The following SPTB variants were observed in gnomAD, a reference collection of about 807,000 sequenced individuals.
The protein encoded by SPTB is spectrin beta chain, erythrocytic.
SPTB carries 45 observed loss-of-function variants against 256.2 expected under a neutral mutation model. That is an observed-to-expected ratio of 0.18 (90% CI 0.14 to 0.23). SPTB has a LOEUF of 0.23. SPTB is among the 10% of genes least tolerant of loss of function. The pLI is 1.00. For missense variants in SPTB, 2,715 were observed against 3,040.4 expected (o/e 0.89, Z 2.52); for synonymous variants, 1,231 against 1,243.1 (o/e 0.99, Z 0.21).
intron 15 of SPTB, among the ~76,000 whole-genome samples, chr14:64,788,238 C>T (rs372061670): frequency 6.6e-6 from 1 of 152,190 alleles, no homozygotes; most frequent in Non-Finnish European, 1.5e-5. Flanking sequence ...ACCCCCAGTG[C>T]CTCCACTGGA....
chr14:64,779,206 T>C lies in SPTB; in HGVS notation c.4514A>G (p.Asp1505Gly), dbSNP rs1421043694. 1.9e-6 allele frequency: 3 copies of C among 1,613,884 alleles called. No individual in the cohort carries two copies. Among genetic ancestry groups the C allele is most frequent in the Non-Finnish European group, 2.5e-6 (3 of 1,179,974 alleles). Reference protein sequence around the residue: ...EERLPLAQSADYGTNLQTVQL... With the variant: ...EERLPLAQSAGYGTNLQTVQL... ...CACAGTTTGCAGATTAGTGCCATAG[T>C]CGGCTGACTGGGCCAGAGGCAGCCT... is the stretch of plus-strand genomic sequence containing the variant. The change falls in exon 22 of 36, where the codon GAC becomes GGC. Residue 1505 changes from aspartate (D) to glycine (G), a missense_variant. Physicochemically the swap from Asp to Gly is moderately conservative, Grantham distance 94. Transcript: ENST00000644917. This position sits in a 1 kb window ranked among gnomAD's most constrained non-coding sequence, Gnocchi z 4.2.
At chr14:64,766,945 G>T in intron 31 of SPTB, 144 bp from the exon 32 acceptor site, 1 of 1,088,992 alleles carries the variant, frequency 9.2e-7, no homozygotes, top group Non-Finnish European at 1.4e-6. Flanking sequence ...GATGGTGCTT[G>T]GCAAGGAGCC....
intron 4 of SPTB, among the ~76,000 whole-genome samples, chr14:64,803,034 C>T (rs2139634807): frequency 6.6e-6 from 1 of 152,278 alleles, no homozygotes; most frequent in South Asian, 2.1e-4. Flanking sequence ...ACATGCGGGG[C>T]CACTTGGTTG....
At position 64,804,932 on chromosome 14, in the gene SPTB, A is replaced by T. The variant is rs229581; in HGVS notation, c.300+7T>A. On this transcript the variant is annotated splice_region_variant and intron_variant, in intron 3 of 35. Transcript: ENST00000644917. The stretch of plus-strand genomic sequence containing the variant: ...AGCAGCCCCGGGGCCCACAGAAGGG[A>T]CTTTACCAGCATCTCTCCAGAGAGC... 1 of 1,613,726 alleles carries T rather than the reference A, an allele frequency of 6.2e-7. No individual in the cohort carries two copies.
rs753833041 is a variant in SPTB at position 64,823,011 on chromosome 14, G to A, written c.84C>T (p.Asp28=). 16 of 1,614,146 alleles carry A rather than the reference G, an allele frequency of 9.9e-6. No individual in the cohort carries two copies. The highest frequency in any genetic ancestry group is 8.9e-5 in the East Asian group (4 of 44,882). The change falls in exon 2 of 36, where the codon GAC becomes GAT. Residue 28 remains aspartate, a synonymous_variant. Coordinates refer to ENST00000644917, the MANE Select transcript of SPTB (RefSeq NM_001355436.2). The surrounding 1 kb of genome is among the most constrained non-coding windows in gnomAD (Gnocchi z 6.5). Reference sequence around the variant, plus strand: ...CTGAGCTGTTGTCATTATCCAGCTCGTCGTCTGGGGCGTCCCAGCGGGCAT... The same window carrying A: ...CTGAGCTGTTGTCATTATCCAGCTCATCGTCTGGGGCGTCCCAGCGGGCAT... ...RINARWDAPD[D]ELDNDNSSAR... is the part of the protein sequence containing the mutation.
rs2083797679 is a variant in SPTB, at chr14:64,852,078, T to A, written c.-52+27714A>T. On this transcript the variant is annotated intron_variant, in intron 1 of 35. Coordinates refer to ENST00000644917, the MANE Select transcript of SPTB (RefSeq NM_001355436.2). This position sits in a 1 kb window ranked among gnomAD's most constrained non-coding sequence, Gnocchi z 4.2. Reference sequence around the variant, plus strand: ...GCTTGCAGTTGAGTATTTGAAAAGTTGTAAAAACAGGCTAGGTGACAACGA... The same window carrying A: ...GCTTGCAGTTGAGTATTTGAAAAGTAGTAAAAACAGGCTAGGTGACAACGA... 6.6e-6 allele frequency among the ~76,000 whole-genome samples: 1 copy of A among 152,124 alleles called. No individual in the cohort carries two copies. Among genetic ancestry groups the A allele is most frequent in the South Asian group, 2.1e-4 (1 of 4,830 alleles).
Position 64,784,367 on chromosome 14 carries a change from C to T in SPTB, c.3882G>A (p.Leu1294=). The T allele has an allele frequency of 1.2e-6, 2 of 1,614,238 alleles. No homozygotes were observed. Among genetic ancestry groups the T allele is most frequent in the Non-Finnish European group, 1.7e-6 (2 of 1,180,042 alleles). ...QELTLWINDK[L]LTSQDVSYDE... Reference sequence around the variant, plus strand: ...CATAGGAGACATCCTGAGATGTCAGCAGCTTGTCGTTGATCCAGAGAGTGA... The same window carrying T: ...CATAGGAGACATCCTGAGATGTCAGTAGCTTGTCGTTGATCCAGAGAGTGA... The change falls in exon 19 of 36, where the codon CTG becomes CTA. Residue 1294 remains leucine, a synonymous_variant. Transcript: ENST00000644917.
rs929122292 is a variant in SPTB at position 64,826,618 on chromosome 14, A to G, written c.-51-3473T>C. On this transcript the variant is annotated intron_variant, in intron 1 of 35. Coordinates refer to ENST00000644917, the MANE Select transcript of SPTB (RefSeq NM_001355436.2). This position sits in a 1 kb window ranked among gnomAD's most constrained non-coding sequence, Gnocchi z 4.4. Reference sequence around the variant, plus strand: ...CATCAGTAAACCCAGGAAAAAAGGCATAAGTACTTCCTTGTCCATTCATTC... The same window carrying G: ...CATCAGTAAACCCAGGAAAAAAGGCGTAAGTACTTCCTTGTCCATTCATTC... 6.6e-6 allele frequency among the ~76,000 whole-genome samples: 1 copy of G among 152,200 alleles called. No individual in the cohort carries two copies. Among genetic ancestry groups the G allele is most frequent in the African/African-American group, 2.4e-5 (1 of 41,432 alleles).
At chr14:64,803,468 G>T in intron 4 of SPTB, 139 bp downstream of exon 4, 2 of 1,063,704 alleles carry the variant, frequency 1.9e-6, no homozygotes, top group Non-Finnish European at 2.9e-6. Flanking sequence ...CTTCCTACAA[G>T]CACTGTCCCA....
intron 1 of SPTB, among the ~76,000 whole-genome samples, chr14:64,864,259 C>T (rs1882025019): frequency 6.6e-6 from 1 of 150,512 alleles, no homozygotes; most frequent in African/African-American, 2.4e-5. Context: ...GAGTTCAAGA[C>T]AAGCCTGGGC....
In SPTB at chr14:64,770,739, C is replaced by G; in HGVS notation, c.5798+146G>C. On this transcript the variant is annotated intron_variant, in intron 27 of 35. Coordinates refer to ENST00000644917, the MANE Select transcript of SPTB (RefSeq NM_001355436.2). The stretch of plus-strand genomic sequence containing the variant: ...GGCCATTTCTGCCTCGATCCAGCCT[C>G]AGGCCTCAAGTGTCCCCCAGGGATT... 2.3e-6 allele frequency: 3 copies of G among 1,286,398 alleles called. No homozygotes were observed. In the Admixed American group the frequency reaches 5.4e-5, roughly 23 times the overall value. 79.7% of individuals were successfully genotyped at this position (1,286,398 alleles called of 1,614,324 possible). A position where few individuals can be genotyped will look rare whatever the true frequency, so the allele number is the denominator to read the frequency against.
chr14:64,804,818 C>A lies in SPTB; in HGVS notation c.300+121G>T, dbSNP rs1423621260. 24 of 1,284,060 alleles carry A rather than the reference C, an allele frequency of 1.9e-5. 1 individual carries two copies. The highest frequency in any genetic ancestry group is 2.0e-5 in the Non-Finnish European group (18 of 898,114). The allele number at this position is 1,284,060 out of a possible 1,614,324, so 79.5% of individuals were successfully genotyped here. A position where few individuals can be genotyped will look rare whatever the true frequency, so the allele number is the denominator to read the frequency against. Reference sequence around the variant, plus strand: ...ATGCTTCCCATTCTAAGTATTAGAGCCTCCCAAAGGAGCAGAGAGAAAACT... The same window carrying A: ...ATGCTTCCCATTCTAAGTATTAGAGACTCCCAAAGGAGCAGAGAGAAAACT... On this transcript the variant is annotated intron_variant, in intron 3 of 35. Transcript: ENST00000644917.
rs146670683 is a variant in SPTB, at chr14:64,795,604, G to A, written c.1377C>T (p.Ala459=). ...NFGYDLAAVE[A]AKKKHEAIET... ...CGATGGCCTCATGCTTCTTCTTGGCGGCCTCCACAGCTGCCAGGTCATACC... is the reference window on the plus strand; with the variant it reads ...CGATGGCCTCATGCTTCTTCTTGGCAGCCTCCACAGCTGCCAGGTCATACC... Residue 459 remains alanine (A), a synonymous_variant, in exon 12 of 36, where the codon GCC becomes GCT. Transcript: ENST00000644917. This position sits in a 1 kb window ranked among gnomAD's most constrained non-coding sequence, Gnocchi z 6.5. The A allele has an allele frequency of 6.7e-5, 108 of 1,613,876 alleles. No individual in the cohort carries two copies. The highest frequency in any genetic ancestry group is 4.9e-4 in the Middle Eastern group (3 of 6,084).
At chr14:64,860,442 G>A (rs2083949307) in intron 1 of SPTB, among the ~76,000 whole-genome samples, 1 of 152,174 alleles carries the variant, frequency 6.6e-6, no homozygotes, top group Admixed American at 6.5e-5. Flanking sequence ...GACCTGAGAG[G>A]GCAGGGCTCT....
chr14:64,807,745 G>T lies in SPTB; in HGVS notation c.149-2655C>A, dbSNP rs1470407964. On this transcript the variant is annotated intron_variant, in intron 2 of 35. Coordinates refer to ENST00000644917, the MANE Select transcript of SPTB (RefSeq NM_001355436.2). The surrounding 1 kb of genome is among the most constrained non-coding windows in gnomAD (Gnocchi z 4.7). ...GCTCATCCCAAGCCTTCCAAGGGCA[G>T]GAGAGGCGGTGGCCTGGAGCCAGCT... Among the ~76,000 whole-genome samples the T allele has an allele frequency of 6.6e-6, 1 of 152,258 alleles. No individual in the cohort carries two copies. The highest frequency in any genetic ancestry group is 1.9e-4 in the East Asian group (1 of 5,192).
Position 64,749,719 on chromosome 14 carries a change from G to A in SPTB, c.6777-23C>T. ...AGCCTAGGAGGACAAAGGGTTTCCT[G>A]TCATGGAGACACCTCTGGAGGGGGC... On this transcript the variant is annotated intron_variant, in intron 34 of 35. Transcript: ENST00000644917. This position sits in a 1 kb window ranked among gnomAD's most constrained non-coding sequence, Gnocchi z 4.7. 1 of 1,612,736 alleles carries A rather than the reference G, an allele frequency of 6.2e-7. No homozygotes were observed. Among genetic ancestry groups the A allele is most frequent in the Non-Finnish European group, 8.5e-7 (1 of 1,179,452 alleles).
chr14:64,751,211 C>G (rs2081945901), intron 33 of SPTB, among the ~76,000 whole-genome samples: 1 of 151,512 alleles, frequency 6.6e-6, no homozygotes, highest in African/African-American at 2.4e-5. Flanking sequence ...CCTCCGCCTC[C>G]CAGGTTCAAG....
At chr14:64,813,199 C>T (rs17102145) in intron 2 of SPTB, among the ~76,000 whole-genome samples, 2,881 of 152,142 alleles carry the variant, frequency 0.019, 73 homozygotes, top group African/African-American at 0.043. Flanking sequence ...TATGAAACAA[C>T]AGATGTCATA....
chr14:64,770,809 C>T, intron 27 of SPTB, 76 bp downstream of exon 27: 1 of 1,605,838 alleles, frequency 6.2e-7, no homozygotes, highest in Non-Finnish European at 8.5e-7. Flanking sequence ...GGAGGAGCCA[C>T]AGTGCAGCAC....
Sources: gnomAD v4.1 joint callset for allele counts (sites outside exome capture counted in the v4.1 genomes callset) on GRCh38, gnomAD v4.1.1 for gene constraint, Gnocchi (gnomAD v3.1) non-coding constraint, MANE v1.5 for transcripts, NCBI Gene and HGNC (gene_info 2026-07-23, HGNC 2026-07-21) for gene names.